ZBTB20: variants seen among roughly 807,000 people sequenced by gnomAD.
ZBTB20 encodes the protein zinc finger and BTB domain-containing protein 20.
In ZBTB20, 9 loss-of-function variants were observed where a neutral mutation model predicts 56.9. The observed-to-expected ratio is 0.16, with a 90% CI of 0.10 to 0.28. The LOEUF (loss-of-function observed/expected upper bound fraction) is 0.28. Among genes scored for constraint, ZBTB20 ranks in the 10% least tolerant of loss-of-function variants. The pLI is 1.00. For missense variants in ZBTB20, 655 were observed against 1,003.0 expected (o/e 0.65, Z 4.69); for synonymous variants, 417 against 420.7 (o/e 0.99, Z 0.11).
chr3:115,088,520 T>G (rs2083072357), intron 1 of ZBTB20, among the ~76,000 whole-genome samples: 2 of 151,876 alleles, frequency 1.3e-5, no homozygotes, highest in African/African-American at 4.8e-5. Context: ...TTTTCACAAC[T>G]AAAGGATATA....
chr3:114,406,659 A>T (rs992290863), intron 7 of ZBTB20, among the ~76,000 whole-genome samples: 2 of 152,072 alleles, frequency 1.3e-5, no homozygotes, highest in African/African-American at 4.8e-5. Flanking sequence ...AAGAATAAAC[A>T]TCCTTCCTTC....
At position 114,319,607 on chromosome 3, in the gene ZBTB20, G is replaced by A. The variant is rs2078820288; in HGVS notation, c.*19398C>T. On this transcript the variant is annotated 3_prime_UTR_variant, in exon 12 of 12. Coordinates refer to ENST00000675478, the MANE Select transcript of ZBTB20 (RefSeq NM_001348800.3). ...GGGAATGTTGACGAAGGGAGATCAG[G>A]TTTCAAGATTGGATTCAAGAGCTTC... The A allele has an allele frequency of 6.6e-6, 1 of 152,082 alleles. No individual in the cohort carries two copies. Among genetic ancestry groups the A allele is most frequent in the Non-Finnish European group, 1.5e-5 (1 of 68,022 alleles). The allele number at this position is 152,082 out of a possible 1,614,324, so 9.4% of individuals were successfully genotyped here.
At chr3:115,080,032 C>A (rs536179126) in intron 1 of ZBTB20, among the ~76,000 whole-genome samples, 1 of 152,212 alleles carries the variant, frequency 6.6e-6, no homozygotes, top group South Asian at 2.1e-4. Context: ...TGTTCATGCC[C>A]AAATTTATAT....
intron 4 of ZBTB20, among the ~76,000 whole-genome samples, chr3:114,827,621 T>C (rs899939314): frequency 6.6e-6 from 1 of 151,732 alleles, no homozygotes; most frequent in Non-Finnish European, 1.5e-5. Flanking sequence ...ATTCTAGAAA[T>C]ATAACTGCTA....
At chr3:114,851,973 C>T (rs1006255538) in intron 4 of ZBTB20, among the ~76,000 whole-genome samples, 10 of 152,070 alleles carry the variant, frequency 6.6e-5, no homozygotes, top group Admixed American at 5.2e-4. Context: ...GTCTGAGATA[C>T]GAGTTGCCAA....
intron 10 of ZBTB20, among the ~76,000 whole-genome samples, chr3:114,379,933 C>T (rs2084111405): frequency 1.3e-5 from 2 of 152,234 alleles, no homozygotes; most frequent in South Asian, 2.1e-4. Flanking sequence ...TAAATGGATA[C>T]CAGCAACAAA....
chr3:114,838,644 T>C (rs181719739), intron 4 of ZBTB20, among the ~76,000 whole-genome samples: 7 of 152,290 alleles, frequency 4.6e-5, no homozygotes, highest in African/African-American at 1.4e-4. Flanking sequence ...AGGGTAGTCA[T>C]AGAATTATTC....
chr3:114,445,516 T>C (rs1261781586), intron 7 of ZBTB20: 1 of 152,190 alleles, frequency 6.6e-6, no homozygotes, highest in Non-Finnish European at 1.5e-5. Context: ...AGCACCTCAG[T>C]GCAATGAAAT....
intron 5 of ZBTB20, among the ~76,000 whole-genome samples, chr3:114,742,884 A>G (rs2066722086): frequency 6.6e-6 from 1 of 152,162 alleles, no homozygotes; most frequent in African/African-American, 2.4e-5. Context: ...TAGCTTGGGT[A>G]AAGAAGAATT....
At chr3:114,384,134 C>CAT (rs1219684318) in intron 8 of ZBTB20, among the ~76,000 whole-genome samples, 16 of 151,010 alleles carry the variant, frequency 1.1e-4, no homozygotes, top group South Asian at 2.1e-4. Flanking sequence ...CTCTCATTCT[C>CAT]TCTCTCTCTC....
chr3:114,343,234 C>G (rs2079927252), intron 11 of ZBTB20, among the ~76,000 whole-genome samples: 1 of 152,030 alleles, frequency 6.6e-6, no homozygotes, highest in Non-Finnish European at 1.5e-5. Flanking sequence ...TAAAAGCCAT[C>G]CTAATGGGTA....
intron 6 of ZBTB20, among the ~76,000 whole-genome samples, chr3:114,682,807 A>G (rs16823085): frequency 0.018 from 2,804 of 152,266 alleles, 79 homozygotes; most frequent in African/African-American, 0.063. Context: ...AAACTTTACC[A>G]TATGACTTGA....
intron 1 of ZBTB20, among the ~76,000 whole-genome samples, chr3:115,146,199 G>A (rs747683003): frequency 5.9e-5 from 9 of 152,202 alleles, no homozygotes; most frequent in African/African-American, 2.2e-4. Flanking sequence ...CGGAGTGAGA[G>A]ATCAGCGGAT....
At chr3:114,484,117 C>T (rs1356865510) in intron 7 of ZBTB20, among the ~76,000 whole-genome samples, 1 of 152,088 alleles carries the variant, frequency 6.6e-6, no homozygotes, top group African/African-American at 2.4e-5. Flanking sequence ...CCAAAGTTAC[C>T]AGAAACATGG....
chr3:114,745,512 G>A (rs2066973401), intron 5 of ZBTB20, among the ~76,000 whole-genome samples: 1 of 152,110 alleles, frequency 6.6e-6, no homozygotes, highest in African/African-American at 2.4e-5. Context: ...ACCGAAGACT[G>A]AATCACCCAA....
At chr3:114,778,663 G>A (rs1325466374) in intron 5 of ZBTB20, among the ~76,000 whole-genome samples, 1 of 152,106 alleles carries the variant, frequency 6.6e-6, no homozygotes, top group Non-Finnish European at 1.5e-5. Context: ...ATCAGCAAAT[G>A]AGAAGAACTG....
Position 114,326,519 on chromosome 3 carries a change from T to C in ZBTB20, c.*12486A>G, listed in dbSNP as rs1343010624. 6.6e-6 allele frequency: 1 copy of C among 152,162 alleles called. No homozygotes were observed. Among genetic ancestry groups the C allele is most frequent in the Non-Finnish European group, 1.5e-5 (1 of 68,012 alleles). 9.4% of individuals were successfully genotyped at this position (152,162 alleles called of 1,614,324 possible). On this transcript the variant is annotated 3_prime_UTR_variant, in exon 12 of 12. Transcript: ENST00000675478. ...TTCATGGTAGGATGGAAGGCTTTTCTTTCTAAGGGGAAAATAATACAGTAA... is the reference window on the plus strand; with the variant it reads ...TTCATGGTAGGATGGAAGGCTTTTCCTTCTAAGGGGAAAATAATACAGTAA...
intron 6 of ZBTB20, among the ~76,000 whole-genome samples, chr3:114,561,476 A>T (rs543991333): frequency 5.6e-4 from 86 of 152,248 alleles, no homozygotes; most frequent in African/African-American, 2.0e-3. Context: ...CTGCTAATAG[A>T]TGTCGTGTTA....
chr3:114,856,959 A>G (rs556226460), intron 4 of ZBTB20, among the ~76,000 whole-genome samples: 1 of 152,312 alleles, frequency 6.6e-6, no homozygotes, highest in African/African-American at 2.4e-5. Flanking sequence ...ATAGGGCTGT[A>G]ATATCTGCCC....
Sources: gnomAD v4.1 joint callset for allele counts (sites outside exome capture counted in the v4.1 genomes callset) on GRCh38, gnomAD v4.1.1 for gene constraint, MANE v1.5 for transcripts, NCBI Gene and HGNC (gene_info 2026-07-23, HGNC 2026-07-21) for gene names.